PREX1: variants seen among roughly 807,000 people sequenced by gnomAD.
The protein encoded by PREX1 is phosphatidylinositol-3,4,5-trisphosphate dependent Rac exchange factor 1, also known as phosphatidylinositol 3,4,5-trisphosphate-dependent Rac exchanger 1 protein.
PREX1 carries 41 observed loss-of-function variants against 198.3 expected under a neutral mutation model. The ratio of observed to expected loss-of-function variants is 0.21; its 90% CI spans 0.16 to 0.27. The LOEUF is 0.27. Among genes scored for constraint, PREX1 ranks in the 10% least tolerant of loss-of-function variants. The pLI, the probability that PREX1 is intolerant of heterozygous loss-of-function variation, is 1.00. For synonymous variants in PREX1, 843 were observed against 887.2 expected (o/e 0.95, Z 0.89); for missense variants, 1,620 against 2,200.7 (o/e 0.74, Z 5.28).
intron 15 of PREX1, among the ~76,000 whole-genome samples, chr20:48,661,556 TAC>T (rs374276217): frequency 1.0e-4 from 13 of 127,856 alleles, no homozygotes; most frequent in East Asian, 2.3e-4. Flanking sequence ...TATATATATA[TAC>T]ACACACACAC....
chr20:48,681,858 G>C (rs954129919), intron 10 of PREX1, among the ~76,000 whole-genome samples: 2 of 152,160 alleles, frequency 1.3e-5, no homozygotes, highest in African/African-American at 4.8e-5. Context: ...ATGGATCACA[G>C]ATGGCTAGAT....
chr20:48,749,697 G>GTCACAGAGTCACAGAGGAAGTC (rs2090125769), intron 1 of PREX1, among the ~76,000 whole-genome samples: 1 of 152,220 alleles, frequency 6.6e-6, no homozygotes, highest in East Asian at 1.9e-4. Flanking sequence ...AGGAAGGCAA[G>GTCACAGAGTCACAGAGGAAGTC]ACACAGGAAG....
intron 35 of PREX1, among the ~76,000 whole-genome samples, 181 bp from the exon 36 acceptor site, chr20:48,630,975 G>A (rs572739810): frequency 9.2e-5 from 14 of 152,166 alleles, no homozygotes; most frequent in African/African-American, 3.4e-4. Context: ...AACAGCCGGG[G>A]GGGAAAGAGG....
At chr20:48,644,620 C>A in intron 26 of PREX1, 123 bp from the exon 27 acceptor site, 1 of 820,792 alleles carries the variant, frequency 1.2e-6, no homozygotes, top group Non-Finnish European at 1.9e-6. Flanking sequence ...GCGTGCAGCC[C>A]AGAGAGGGCA....
intron 6 of PREX1, among the ~76,000 whole-genome samples, chr20:48,706,823 T>G (rs1458043960): frequency 6.6e-6 from 1 of 152,160 alleles, no homozygotes; most frequent in Admixed American, 6.5e-5. Flanking sequence ...GCTTTACTTA[T>G]TCACTGAAGG....
intron 4 of PREX1, among the ~76,000 whole-genome samples, chr20:48,732,406 G>A (rs2090038267): frequency 6.6e-6 from 1 of 151,692 alleles, no homozygotes; most frequent in African/African-American, 2.4e-5. Flanking sequence ...TAGCACTCTG[G>A]GAACGTGGTT....
At chr20:48,740,004 T>A (rs983814481) in intron 3 of PREX1, among the ~76,000 whole-genome samples, 1 of 151,854 alleles carries the variant, frequency 6.6e-6, no homozygotes, top group African/African-American at 2.4e-5. Flanking sequence ...CAGTAGTTAG[T>A]GGTTGGGTTT....
chr20:48,852,167 A>T, the PREX1 span, among the ~76,000 whole-genome samples: 21 of 152,142 alleles, frequency 1.4e-4, no homozygotes, highest in Non-Finnish European at 2.9e-4. Context: ...AGAGTTAAAG[A>T]CCATTATAAC....
Position 48,636,664 on chromosome 20 carries a change from G to A in PREX1, c.3966C>T (p.Arg1322=). 6 of 1,607,550 alleles carry A rather than the reference G, an allele frequency of 3.7e-6. No homozygotes were observed. Among genetic ancestry groups the A allele is most frequent in the Non-Finnish European group, 5.1e-6 (6 of 1,177,466 alleles). ...LKCTDTELQL[R]RDAIFCQALV... ...GGGCCTGGCAGAAGATCGCGTCTCT[G>A]CGCAGCTGCAGCTCCGTGTCTGGGG... The change falls in exon 32 of 40, where the codon CGC becomes CGT. Residue 1322 remains arginine (R), a synonymous_variant. Transcript: ENST00000371941.
At position 48,816,242 on chromosome 20, in the gene PREX1, A is replaced by G. The variant is rs146470705; in HGVS notation, c.219+11400T>C. On this transcript the variant is annotated intron_variant, in intron 1 of 39. Transcript: ENST00000371941. The stretch of plus-strand genomic sequence containing the variant: ...AGAGGGAGTAAATAAAGTAAAGCAC[A>G]GTGGTCACAAATATGGGCTCTGGAG... Among the ~76,000 whole-genome samples, 115 of 152,262 alleles carry G rather than the reference A, an allele frequency of 7.6e-4. 2 individuals carry two copies. In the South Asian group the frequency reaches 0.018, roughly 23 times the overall value.
intron 37 of PREX1, 151 bp downstream of exon 37, chr20:48,629,298 A>C: frequency 9.0e-7 from 1 of 1,106,964 alleles, no homozygotes; most frequent in Non-Finnish European, 1.3e-6. Context: ...CAGACAGACA[A>C]ACTGAGGTGC....
chr20:48,738,596 G>A (rs1489172159), intron 3 of PREX1, among the ~76,000 whole-genome samples: 1 of 152,212 alleles, frequency 6.6e-6, no homozygotes, highest in Admixed American at 6.5e-5. Context: ...CCGACATGGG[G>A]CTCTGATTGC....
At chr20:48,741,690 A>AG (rs1308361635) in intron 3 of PREX1, among the ~76,000 whole-genome samples, 1 of 152,140 alleles carries the variant, frequency 6.6e-6, no homozygotes, top group Non-Finnish European at 1.5e-5. Flanking sequence ...ATGACAGAGT[A>AG]GGGGAGGGGC....
intron 4 of PREX1, among the ~76,000 whole-genome samples, chr20:48,731,217 A>C (rs1353836827): frequency 6.6e-6 from 1 of 152,080 alleles, no homozygotes; most frequent in Non-Finnish European, 1.5e-5. Flanking sequence ...GAAATGCTAC[A>C]TAGCCCCTGC....
chr20:48,827,830 C>T lies in PREX1; in HGVS notation c.31G>A (p.Gly11Ser), dbSNP rs2090516940. The change falls in exon 1 of 40, where the codon GGC becomes AGC. Residue 11 changes from glycine to serine, a missense_variant. Transcript: ENST00000371941. This position sits in a 1 kb window ranked among gnomAD's most constrained non-coding sequence, Gnocchi z 4.1. MEAPSGSEPG[G>S]DGAGDCAHPD... ...TGGGCGCAGTCCCCGGCCCCGTCGCCGCCGGGCTCGCTGCCGCTGGGCGCC... is the reference window on the plus strand; with the variant it reads ...TGGGCGCAGTCCCCGGCCCCGTCGCTGCCGGGCTCGCTGCCGCTGGGCGCC... The T allele has an allele frequency of 8.1e-6, 8 of 993,218 alleles. No homozygotes were observed. Among genetic ancestry groups the T allele is most frequent in the East Asian group, 1.1e-4 (1 of 9,040 alleles). The allele number at this position is 993,218 out of a possible 1,614,324, so 61.5% of individuals were successfully genotyped here.
chr20:48,636,347 C>T (rs1426685510), intron 32 of PREX1, 116 bp downstream of exon 32: 9 of 1,064,984 alleles, frequency 8.5e-6, no homozygotes, highest in African/African-American at 3.2e-5. Flanking sequence ...ATAGCTGCTG[C>T]GGGAATGACG....
At chr20:48,644,701 G>C (rs2089438545) in intron 26 of PREX1, among the ~76,000 whole-genome samples, 2 of 152,264 alleles carry the variant, frequency 1.3e-5, no homozygotes. Context: ...TGAGGGCTGG[G>C]AAACGTTTCT....
intron 1 of PREX1, among the ~76,000 whole-genome samples, chr20:48,748,438 T>C (rs776111616): frequency 6.6e-6 from 1 of 150,822 alleles, no homozygotes; most frequent in Non-Finnish European, 1.5e-5. Flanking sequence ...TTCCAAAAAA[T>C]CTATGCAAAA....
At chr20:48,761,182 C>T (rs1052562338) in intron 1 of PREX1, among the ~76,000 whole-genome samples, 1 of 152,198 alleles carries the variant, frequency 6.6e-6, no homozygotes, top group Admixed American at 6.5e-5. Context: ...GGTCAACAGC[C>T]GGGGCAAAGG....
Sources: allele counts gnomAD v4.1 joint callset (sites outside exome capture counted in the v4.1 genomes callset), GRCh38; gene constraint gnomAD v4.1.1; non-coding constraint Gnocchi (gnomAD v3.1); transcripts MANE v1.5; gene names NCBI Gene and HGNC (gene_info 2026-07-23, HGNC 2026-07-21).